CD86: variants seen among roughly 807,000 people sequenced by gnomAD.
The protein encoded by CD86 is T-lymphocyte activation antigen CD86.
Under a neutral mutation model 32.1 loss-of-function variants are expected in CD86, and 11 were observed. The observed-to-expected ratio is 0.34, with a 90% CI of 0.22 to 0.57. The LOEUF (loss-of-function observed/expected upper bound fraction) is 0.57, where lower values mean the gene tolerates loss of function less well. CD86 is among the 20% of genes least tolerant of loss of function. The pLI, the probability that CD86 is intolerant of heterozygous loss-of-function variation, is 0.86. For missense variants in CD86, 359 were observed against 398.4 expected (o/e 0.90, Z 0.84); for synonymous variants, 137 against 135.3 (o/e 1.01, Z -0.09).
In CD86 at chr3:122,106,347, G is replaced by T. The variant is rs1340867351; in HGVS notation, c.550G>T (p.Gly184Cys). 6 of 1,614,040 alleles carry T rather than the reference G, an allele frequency of 3.7e-6. No individual in the cohort carries two copies. The highest frequency in any genetic ancestry group is 4.2e-6 in the Non-Finnish European group (5 of 1,179,958). ...RTKNSTIEYD[G>C]VMQKSQDNVT... is the part of the protein sequence containing the mutation. ...CAAGAATTCAACTATCGAGTATGATGGTGTTATGCAGAAATCTCAAGATAA... is the reference window on the plus strand; with the variant it reads ...CAAGAATTCAACTATCGAGTATGATTGTGTTATGCAGAAATCTCAAGATAA... The change falls in exon 4 of 7, where the codon GGT becomes TGT. Residue 184 changes from glycine to cysteine, a missense_variant. Gly to Cys is a radical substitution (Grantham distance 159, BLOSUM62 -3). Transcript: ENST00000330540.
intron 1 of CD86, 126 bp from the exon 2 acceptor site, chr3:122,091,475 C>T (rs1559906216): frequency 1.6e-5 from 12 of 733,650 alleles, no homozygotes; most frequent in Non-Finnish European, 1.7e-5. Context: ...GAAGCCCTGG[C>T]ATTGTCTCTG....
intron 1 of CD86, chr3:122,078,019 G>T (rs951292224): frequency 2.6e-5 from 26 of 985,532 alleles, no homozygotes; most frequent in Non-Finnish European, 3.0e-5. Context: ...TCTTTTTGGA[G>T]CTACAGTGGA....
intron 1 of CD86, among the ~76,000 whole-genome samples, chr3:122,063,185 C>T (rs2072363724): frequency 1.3e-5 from 2 of 152,080 alleles, no homozygotes; most frequent in Admixed American, 1.3e-4. Context: ...TTTAAGTTTG[C>T]TTTTCATTTA....
chr3:122,109,549 G>A, intron 5 of CD86, 141 bp downstream of exon 5: 1 of 935,072 alleles, frequency 1.1e-6, no homozygotes, highest in African/African-American at 1.7e-5. Context: ...TTCCCTTGGA[G>A]TTTTGAGCCT....
At chr3:122,111,686 A>G (rs1360350013) in intron 5 of CD86, among the ~76,000 whole-genome samples, 2 of 152,232 alleles carry the variant, frequency 1.3e-5, no homozygotes, top group Non-Finnish European at 2.9e-5. Context: ...TAAGGAAATT[A>G]GGATCTCAGT....
In CD86 at chr3:122,055,410, C is replaced by A; in HGVS notation, c.-80C>A. On this transcript the variant is annotated 5_prime_UTR_variant, in exon 1 of 7. The change creates a new upstream start codon in the 5' untranslated region. Coordinates refer to ENST00000330540, the MANE Select transcript of CD86 (RefSeq NM_175862.5). ...ACAGGGTGAAAGCTTTGCTTCTCTG[C>A]TGCTGTAACAGGGACTAGCACAGAC... is the stretch of plus-strand genomic sequence containing the variant. 7.2e-7 allele frequency: 1 copy of A among 1,392,820 alleles called. No individual in the cohort carries two copies. Among genetic ancestry groups the A allele is most frequent in the Non-Finnish European group, 1.0e-6 (1 of 979,274 alleles). The allele number at this position is 1,392,820 out of a possible 1,614,324, so 86.3% of individuals were successfully genotyped here.
intron 1 of CD86, among the ~76,000 whole-genome samples, chr3:122,081,655 A>G (rs2072635934): frequency 6.6e-6 from 1 of 152,252 alleles, no homozygotes; most frequent in African/African-American, 2.4e-5. Flanking sequence ...GCAGTGGCCC[A>G]GGCTAACAGC....
At chr3:122,108,864 G>A (rs2073129819) in intron 4 of CD86, among the ~76,000 whole-genome samples, 1 of 152,190 alleles carries the variant, frequency 6.6e-6, no homozygotes, top group African/African-American at 2.4e-5. Context: ...CATCACGAGA[G>A]GAACTTCAGG....
intron 2 of CD86, among the ~76,000 whole-genome samples, chr3:122,100,298 A>G (rs2072978895): frequency 6.6e-6 from 1 of 152,200 alleles, no homozygotes. Flanking sequence ...GGTGTTGCTC[A>G]AAGTCCCCAC....
intron 5 of CD86, among the ~76,000 whole-genome samples, chr3:122,116,889 A>G (rs934373148): frequency 6.6e-6 from 1 of 152,208 alleles, no homozygotes; most frequent in Non-Finnish European, 1.5e-5. Context: ...GGGGGAAAGG[A>G]ATCAGCTGAA....
chr3:122,091,474 G>A, intron 1 of CD86, 127 bp from the exon 2 acceptor site: 1 of 729,572 alleles, frequency 1.4e-6, no homozygotes, highest in African/African-American at 1.8e-5. Flanking sequence ...TGAAGCCCTG[G>A]CATTGTCTCT....
intron 1 of CD86, among the ~76,000 whole-genome samples, chr3:122,066,417 A>G (rs1490340102): frequency 6.6e-6 from 1 of 152,140 alleles, no homozygotes. Flanking sequence ...CAAAAAAGGG[A>G]CACTGACATC....
chr3:122,079,149 AC>A (rs2072595323), intron 1 of CD86, among the ~76,000 whole-genome samples: 1 of 152,230 alleles, frequency 6.6e-6, no homozygotes, highest in Admixed American at 6.5e-5. Context: ...ACTAAACATG[AC>A]TACATAGCAA....
intron 3 of CD86, 87 bp downstream of exon 3, chr3:122,103,934 AG>A: frequency 9.3e-7 from 1 of 1,079,282 alleles, no homozygotes. Flanking sequence ...GGGGGACTTG[AG>A]GGGCCCAGGG....
At chr3:122,091,480 T>A in intron 1 of CD86, 121 bp from the exon 2 acceptor site, 2 of 763,364 alleles carry the variant, frequency 2.6e-6, no homozygotes, top group Non-Finnish European at 4.6e-6. Flanking sequence ...CCTGGCATTG[T>A]CTCTGCACAC....
intron 2 of CD86, among the ~76,000 whole-genome samples, chr3:122,097,259 G>A (rs1284607980): frequency 6.6e-6 from 1 of 152,034 alleles, no homozygotes; most frequent in Admixed American, 6.6e-5. Context: ...ATATTTGTAA[G>A]GGACAATTGC....
chr3:122,099,397 C>T (rs1576778889), intron 2 of CD86, among the ~76,000 whole-genome samples: 1 of 152,272 alleles, frequency 6.6e-6, no homozygotes, highest in East Asian at 1.9e-4. Context: ...GGGAGTTTGA[C>T]TCCAAGGGAA....
rs376329226 is a variant in CD86, at chr3:122,118,098, A to T, written c.893+5A>T. 5.2e-5 allele frequency: 83 copies of T among 1,584,226 alleles called. No individual in the cohort carries two copies. Among genetic ancestry groups the T allele is most frequent in the Non-Finnish European group, 6.7e-5 (78 of 1,170,170 alleles). ...GAGTGAACAGACCAAGAAAAGGTAA[A>T]TCCTGACCCTGAGACATTGATGAGA... is the stretch of plus-strand genomic sequence containing the variant. On this transcript the variant is annotated splice_donor_5th_base_variant and intron_variant, in intron 6 of 6. Transcript: ENST00000330540.
intron 5 of CD86, among the ~76,000 whole-genome samples, chr3:122,109,976 A>C (rs2073148505): frequency 6.6e-6 from 1 of 152,248 alleles, no homozygotes; most frequent in Admixed American, 6.5e-5. Flanking sequence ...AATAAGAAAA[A>C]ATGATTACAC....
Sources: gnomAD v4.1 joint callset for allele counts (sites outside exome capture counted in the v4.1 genomes callset) on GRCh38, gnomAD v4.1.1 for gene constraint, MANE v1.5 for transcripts, NCBI Gene and HGNC (gene_info 2026-07-23, HGNC 2026-07-21) for gene names.